DGKA: variants seen among roughly 807,000 people sequenced by gnomAD.
DGKA encodes 80 kDa diacylglycerol kinase.
DGKA carries 35 observed loss-of-function variants against 105.0 expected under a neutral mutation model. The observed-to-expected ratio is 0.33, with a 90% CI of 0.25 to 0.44. The LOEUF is 0.44. DGKA is among the 20% of genes least tolerant of loss of function. DGKA has a pLI of 1.00. For missense variants in DGKA, 665 were observed against 915.0 expected (o/e 0.73, Z 3.53); for synonymous variants, 296 against 332.0 (o/e 0.89, Z 1.18).
chr12:55,951,550 G>A, intron 17 of DGKA, 73 bp from the exon 18 acceptor site: 3 of 1,508,860 alleles, frequency 2.0e-6, no homozygotes, highest in Non-Finnish European at 1.8e-6. Context: ...CTGGGAATTT[G>A]TGGAGCTGGG....
intron 6 of DGKA, 127 bp downstream of exon 6, chr12:55,938,687 C>A: frequency 6.3e-7 from 1 of 1,592,392 alleles, no homozygotes; most frequent in Non-Finnish European, 8.6e-7. Flanking sequence ...TCCTCTAGGA[C>A]TAAATTTGAA....
chr12:55,953,816 C>T lies in DGKA; in HGVS notation c.*48C>T. Reference sequence around the variant, plus strand: ...GCCAGCCTTGAACCCACCTCCCTGTCCCTGGACTCTACTCCCGAGGCTCTG... The same window carrying T: ...GCCAGCCTTGAACCCACCTCCCTGTTCCTGGACTCTACTCCCGAGGCTCTG... On this transcript the variant is annotated 3_prime_UTR_variant, in exon 24 of 24. Coordinates refer to ENST00000331886, the MANE Select transcript of DGKA (RefSeq NM_001345.5). 1 of 1,536,470 alleles carries T rather than the reference C, an allele frequency of 6.5e-7. No individual in the cohort carries two copies. Among genetic ancestry groups the T allele is most frequent in the Non-Finnish European group, 9.0e-7 (1 of 1,110,278 alleles).
chr12:55,950,553 G>A (rs945425915), intron 17 of DGKA, among the ~76,000 whole-genome samples: 6 of 151,392 alleles, frequency 4.0e-5, no homozygotes, highest in East Asian at 3.9e-4. Context: ...TGATCCGCCC[G>A]CCTCGGCCTC....
At chr12:55,927,661 C>A, upstream of DGKA, 1 of 1,528,840 alleles carries the variant, frequency 6.5e-7, no homozygotes. Context: ...GTCGGCCAAC[C>A]CACTCAACCA....
At chr12:55,935,973 G>GTA (rs1362554670) in intron 1 of DGKA, 1 of 988,970 alleles carries the variant, frequency 1.0e-6, no homozygotes, top group African/African-American at 1.7e-5. Flanking sequence ...GAGTCACTCA[G>GTA]AGGGCCGGAA....
In DGKA at chr12:55,945,683, C is replaced by G. The variant is rs567719276; in HGVS notation, c.1426+3420C>G. Among the ~76,000 whole-genome samples the G allele has an allele frequency of 9.0e-4, 137 of 152,306 alleles. 2 individuals are homozygous for G. Among genetic ancestry groups the G allele is most frequent in the African/African-American group, 3.1e-3 (129 of 41,568 alleles). ...CCAACCCCTGCTTCCACAGTCACAT[C>G]TCCTTTTACAACTCTTTTCTCCTGC... On this transcript the variant is annotated intron_variant, in intron 17 of 23. Coordinates refer to ENST00000331886, the MANE Select transcript of DGKA (RefSeq NM_001345.5).
intron 1 of DGKA, chr12:55,933,692 A>G (rs1555183727): frequency 1.3e-5 from 2 of 152,206 alleles, no homozygotes; most frequent in East Asian, 1.9e-4. Context: ...TCCCAGAGGC[A>G]AAGTTCAGAA....
chr12:55,953,523 A>G, intron 23 of DGKA, 113 bp downstream of exon 23: 6 of 1,362,338 alleles, frequency 4.4e-6, no homozygotes, highest in Non-Finnish European at 5.2e-6. Flanking sequence ...CCTGCACATC[A>G]TTCATCCTAA....
Position 55,940,617 on chromosome 12 carries a change from C to A in DGKA, c.919-7C>A. ...CGTGATCTCTCTGTGCCCACCTCGT[C>A]TTTCAGATCCACGATGACTGCCTGC... is the stretch of plus-strand genomic sequence containing the variant. On this transcript the variant is annotated splice_polypyrimidine_tract_variant and splice_region_variant and intron_variant, in intron 11 of 23. Transcript: ENST00000331886. The surrounding 1 kb of genome is among the most constrained non-coding windows in gnomAD (Gnocchi z 4.3). The A allele has an allele frequency of 6.4e-7, 1 of 1,572,842 alleles. No homozygotes were observed.
chr12:55,927,942 T>C (rs1010939090), upstream of DGKA: 1 of 695,844 alleles, frequency 1.4e-6, no homozygotes, highest in Non-Finnish European at 2.3e-6. Flanking sequence ...TGAAAGCTTC[T>C]GGGCGGACCT....
At chr12:55,941,422 C>G (rs1036334734) in intron 14 of DGKA, 88 bp from the exon 15 acceptor site, 1 of 1,581,924 alleles carries the variant, frequency 6.3e-7, no homozygotes, top group African/African-American at 1.3e-5. Context: ...GAGGGGCATA[C>G]CTTGAGGAAC....
chr12:55,936,128 G>A, intron 1 of DGKA: 2 of 765,978 alleles, frequency 2.6e-6, no homozygotes, highest in Non-Finnish European at 3.3e-6. Flanking sequence ...CCGGGTGCGG[G>A]TGGGAAGGTG....
intron 1 of DGKA, among the ~76,000 whole-genome samples, chr12:55,934,670 T>A (rs1267320979): frequency 1.3e-5 from 2 of 152,220 alleles, no homozygotes; most frequent in African/African-American, 4.8e-5. Context: ...TAAGTGCTTT[T>A]CAGCATCATT....
At chr12:55,935,864 TG>T (rs1175267985) in intron 1 of DGKA, 3 of 985,460 alleles carry the variant, frequency 3.0e-6, no homozygotes, top group Non-Finnish European at 3.6e-6. Flanking sequence ...TTGCGTGGCG[TG>T]GGTGGCTCGG....
At chr12:55,947,938 C>T (rs1040730737) in intron 17 of DGKA, among the ~76,000 whole-genome samples, 14 of 151,960 alleles carry the variant, frequency 9.2e-5, no homozygotes, top group Non-Finnish European at 1.5e-4. Flanking sequence ...TAAAGGCACG[C>T]GCCACCACGC....
At chr12:55,927,591 G>A (rs745380403), upstream of DGKA, 18 of 1,176,120 alleles carry the variant, frequency 1.5e-5, no homozygotes, top group Non-Finnish European at 2.1e-5. Flanking sequence ...TTCTAGGGAC[G>A]GTTGGAGACC....
In DGKA at chr12:55,940,505, A is replaced by G. The variant is rs950278663; in HGVS notation, c.918+72A>G. On this transcript the variant is annotated intron_variant, in intron 11 of 23. Transcript: ENST00000331886. The surrounding 1 kb of genome is among the most constrained non-coding windows in gnomAD (Gnocchi z 4.3). ...CTGCCTTCTCCACGGGCCTCCGGCCACACCTCCTTTACAGGCACAGTTGCC... is the reference window on the plus strand; with the variant it reads ...CTGCCTTCTCCACGGGCCTCCGGCCGCACCTCCTTTACAGGCACAGTTGCC... 3 of 1,593,348 alleles carry G rather than the reference A, an allele frequency of 1.9e-6. No individual in the cohort carries two copies. The African/African-American group carries it at 4.0e-5, about 21-fold the overall frequency.
At chr12:55,951,974 A>C in intron 18 of DGKA, 61 bp from the exon 19 acceptor site, 2 of 1,597,212 alleles carry the variant, frequency 1.3e-6, no homozygotes. Context: ...CTTGGGAAAG[A>C]GGGGAGACCG....
intron 1 of DGKA, chr12:55,936,076 G>T: frequency 1.0e-6 from 1 of 955,580 alleles, no homozygotes; most frequent in Non-Finnish European, 1.3e-6. Context: ...CGCAGAAACA[G>T]ACAAGGGACA....
Sources: allele counts gnomAD v4.1 joint callset (sites outside exome capture counted in the v4.1 genomes callset), GRCh38; gene constraint gnomAD v4.1.1; non-coding constraint Gnocchi (gnomAD v3.1); transcripts MANE v1.5; gene names NCBI Gene and HGNC (gene_info 2026-07-23, HGNC 2026-07-21).